The following IL1RAPL2 variants were observed in gnomAD, a reference collection of about 807,000 sequenced individuals.
The protein encoded by IL1RAPL2 is interleukin 1 receptor accessory protein like 2.
A neutral mutation model predicts 44.1 loss-of-function variants in IL1RAPL2; 3 were observed. The observed-to-expected ratio is 0.07, with a 90% CI of 0.03 to 0.18. The LOEUF is 0.18. IL1RAPL2 is among the 10% of genes least tolerant of loss of function. The pLI is 1.00. For missense variants in IL1RAPL2, 391 were observed against 496.4 expected, an observed-to-expected ratio of 0.79 and a Z score of 2.02; for synonymous variants, 181 against 178.8, an observed-to-expected ratio of 1.01 and a Z score of -0.10.
intron 7 of IL1RAPL2, among the ~76,000 whole-genome samples, chrX:105,723,560 C>T (rs2038324845): frequency 9.0e-6 from 1 of 111,447 alleles, no homozygotes; most frequent in Non-Finnish European, 1.9e-5. Flanking sequence ...ACCCCACTGT[C>T]AGCACCAATT....
At chrX:104,975,507 A>G (rs779910696) in intron 2 of IL1RAPL2, among the ~76,000 whole-genome samples, 92 of 112,510 alleles carry the variant, frequency 8.2e-4, no homozygotes, top group African/African-American at 2.9e-3. Context: ...TTATTTACAA[A>G]ATTGGAATAT....
At chrX:105,762,549 TTCTTTC>T (rs2038696186) in intron 10 of IL1RAPL2, among the ~76,000 whole-genome samples, 1 of 112,387 alleles carries the variant, frequency 8.9e-6, no homozygotes, top group African/African-American at 3.2e-5. Flanking sequence ...GGAGACTTTT[TTCTTTC>T]TCTAATTGTT....
intron 10 of IL1RAPL2, chrX:105,765,399 T>C (rs766552521): frequency 2.2e-4 from 25 of 112,366 alleles, no homozygotes; most frequent in Admixed American, 6.6e-4. Context: ...TGTGGTGTTT[T>C]TTTGTTTCAT....
At chrX:105,424,454 G>T (rs1332226813) in intron 5 of IL1RAPL2, among the ~76,000 whole-genome samples, 2 of 110,693 alleles carry the variant, frequency 1.8e-5, no homozygotes, top group Non-Finnish European at 3.8e-5. Flanking sequence ...ATGGGAGGCA[G>T]ATTTGCCCTA....
At chrX:105,719,852 A>G (rs1230235084) in intron 7 of IL1RAPL2, among the ~76,000 whole-genome samples, 1 of 111,739 alleles carries the variant, frequency 8.9e-6, no homozygotes, top group Non-Finnish European at 1.9e-5. Flanking sequence ...TGCCATTTGT[A>G]CTTTGAAGTT....
chrX:105,004,700 G>A (rs1356766450), intron 2 of IL1RAPL2, among the ~76,000 whole-genome samples: 3 of 110,461 alleles, frequency 2.7e-5, no homozygotes, highest in Non-Finnish European at 3.8e-5. Flanking sequence ...TTCACTGAAC[G>A]ATGAAAATGT....
intron 5 of IL1RAPL2, among the ~76,000 whole-genome samples, chrX:105,445,989 T>C (rs149974115): frequency 0.014 from 1,601 of 111,618 alleles, 33 homozygotes; most frequent in African/African-American, 0.049. Flanking sequence ...AAGTGAAGTG[T>C]GTAATTCCCC....
chrX:105,473,003 A>T (rs1231253267), intron 5 of IL1RAPL2, among the ~76,000 whole-genome samples: 1 of 111,765 alleles, frequency 8.9e-6, no homozygotes, highest in Non-Finnish European at 1.9e-5. Flanking sequence ...TGGTCAAGTG[A>T]CCTAACCCCT....
chrX:104,707,867 T>C (rs1488957985), intron 2 of IL1RAPL2, among the ~76,000 whole-genome samples: 1 of 111,750 alleles, frequency 8.9e-6, no homozygotes, highest in African/African-American at 3.2e-5. Context: ...TTCAAGGCTG[T>C]ATTTTCTTTT....
chrX:105,206,738 T>C (rs1326277037), intron 3 of IL1RAPL2, among the ~76,000 whole-genome samples: 3 of 112,026 alleles, frequency 2.7e-5, no homozygotes, highest in Non-Finnish European at 5.6e-5. Flanking sequence ...AGAGAACTAG[T>C]CTTCTTGTTT....
Position 104,676,903 on chromosome X carries a change from G to C in IL1RAPL2, c.82+17908G>C, listed in dbSNP as rs1023178845. Among the ~76,000 whole-genome samples, 4 of 111,604 alleles carry C rather than the reference G, an allele frequency of 3.6e-5. No homozygotes were observed. The East Asian group carries it at 1.1e-3, about 31-fold the overall frequency. ...CCAGTTGATCACATCGGCTCTTGAG[G>C]CTTCTGCATTCTTCACGTAGTTCTC... is the stretch of plus-strand genomic sequence containing the variant. On this transcript the variant is annotated intron_variant, in intron 2 of 10. Transcript: ENST00000372582.
At position 105,090,583 on chromosome X, in the gene IL1RAPL2, G is replaced by C. The variant is rs1420215028; in HGVS notation, c.83-104892G>C. On this transcript the variant is annotated intron_variant, in intron 2 of 10. Coordinates refer to ENST00000372582, the MANE Select transcript of IL1RAPL2 (RefSeq NM_017416.2). ...TTTCCTTAAAAGTTCTATACATACA[G>C]ACATAGCAGGCCTCTGAGGTTACCT... Among the ~76,000 whole-genome samples the C allele has an allele frequency of 2.7e-5, 3 of 112,110 alleles. No homozygotes were observed. The East Asian group carries it at 8.4e-4, about 32-fold the overall frequency.
intron 2 of IL1RAPL2, among the ~76,000 whole-genome samples, chrX:105,123,871 C>G (rs1171846645): frequency 9.0e-6 from 1 of 110,842 alleles, no homozygotes; most frequent in Admixed American, 9.6e-5. Flanking sequence ...CAAAGACCCT[C>G]CATGACTCTT....
chrX:105,440,248 G>C (rs2035911240), intron 5 of IL1RAPL2, among the ~76,000 whole-genome samples: 1 of 112,044 alleles, frequency 8.9e-6, no homozygotes, highest in Admixed American at 9.5e-5. Flanking sequence ...TGCTTCAATT[G>C]TATATTTAGT....
chrX:105,560,892 A>G (rs932385759), intron 6 of IL1RAPL2, among the ~76,000 whole-genome samples: 2 of 110,138 alleles, frequency 1.8e-5, no homozygotes, highest in African/African-American at 6.6e-5. Context: ...TTTATATTAT[A>G]TATACACTGG....
At chrX:105,483,692 A>G (rs1193827420) in intron 5 of IL1RAPL2, among the ~76,000 whole-genome samples, 1 of 111,674 alleles carries the variant, frequency 9.0e-6, no homozygotes, top group Non-Finnish European at 1.9e-5. Flanking sequence ...ATTCTCTATT[A>G]TGGTGTGCTA....
intron 5 of IL1RAPL2, among the ~76,000 whole-genome samples, chrX:105,332,714 T>A (rs1182545966): frequency 2.7e-5 from 3 of 112,102 alleles, no homozygotes; most frequent in Non-Finnish European, 5.6e-5. Flanking sequence ...GCATTTCTAA[T>A]GTCAACAGTT....
intron 5 of IL1RAPL2, among the ~76,000 whole-genome samples, chrX:105,437,143 T>G (rs1288276083): frequency 2.8e-5 from 3 of 109,035 alleles, no homozygotes; most frequent in Non-Finnish European, 5.7e-5. Flanking sequence ...ATTTGTAAAT[T>G]ATAGTATTTT....
chrX:105,180,636 C>T (rs1226748675), intron 2 of IL1RAPL2, among the ~76,000 whole-genome samples: 4 of 112,081 alleles, frequency 3.6e-5, no homozygotes, highest in South Asian at 3.7e-4. Context: ...TGTGTCGTAT[C>T]ATGTTTATTG....
Sources: allele counts gnomAD v4.1 joint callset (sites outside exome capture counted in the v4.1 genomes callset), GRCh38; gene constraint gnomAD v4.1.1; transcripts MANE v1.5; gene names NCBI Gene and HGNC (gene_info 2026-07-23, HGNC 2026-07-21).